The following UMAD1 variants were observed in gnomAD, a reference collection of about 807,000 sequenced individuals.
The protein encoded by UMAD1 is UBAP1-MVB12-associated (UMA)-domain containing protein 1.
In UMAD1, 8 loss-of-function variants were observed where a neutral mutation model predicts 6.1. The observed-to-expected ratio is 1.30, with a 90% CI of 0.76 to 2.35. UMAD1 has a LOEUF of 2.35. Among genes scored for constraint, UMAD1 ranks in the 30% most tolerant of loss-of-function variants. The pLI is 0.00. For synonymous variants in UMAD1, 56 were observed against 31.4 expected, an observed-to-expected ratio of 1.78 and a Z score of -2.61; for missense variants, 130 against 78.4, an observed-to-expected ratio of 1.66 and a Z score of -2.49.
Position 7,753,023 on chromosome 7 carries a change from A to C in UMAD1, c.83-48647A>C, listed in dbSNP as rs569483542. 7.9e-5 allele frequency among the ~76,000 whole-genome samples: 12 copies of C among 152,326 alleles called. No individual in the cohort carries two copies. In the South Asian group the frequency reaches 1.9e-3, roughly 24 times the overall value. On this transcript the variant is annotated intron_variant, in intron 2 of 3. Coordinates refer to ENST00000682710, the MANE Select transcript of UMAD1 (RefSeq NM_001302348.2). ...GTAGCATACATATTCCAGAAGGCAT[A>C]AAGTGAGAAGTAAAAGACCCCTCCT...
chr7:7,665,000 T>C (rs1779401056), intron 1 of UMAD1, among the ~76,000 whole-genome samples: 1 of 139,078 alleles, frequency 7.2e-6, no homozygotes, highest in Non-Finnish European at 1.6e-5. Flanking sequence ...GGGTGATATA[T>C]AGATATATAT....
chr7:7,770,239 C>T (rs761953855), intron 2 of UMAD1, among the ~76,000 whole-genome samples: 1 of 152,156 alleles, frequency 6.6e-6, no homozygotes, highest in African/African-American at 2.4e-5. Context: ...TCATCACATT[C>T]ATCCTTACCG....
chr7:7,763,746 A>C (rs1041755180), intron 2 of UMAD1, among the ~76,000 whole-genome samples: 2 of 152,176 alleles, frequency 1.3e-5, no homozygotes, highest in Non-Finnish European at 2.9e-5. Flanking sequence ...AAAATAGTAG[A>C]GTGATTTATG....
At chr7:7,764,008 A>C (rs535950940) in intron 2 of UMAD1, among the ~76,000 whole-genome samples, 1 of 152,360 alleles carries the variant, frequency 6.6e-6, no homozygotes, top group African/African-American at 2.4e-5. Context: ...ATATCACAGG[A>C]AATAGTGAGA....
chr7:7,877,682 T>C lies in UMAD1; in HGVS notation c.*144T>C. On this transcript the variant is annotated 3_prime_UTR_variant, in exon 4 of 4. Coordinates refer to ENST00000682710, the MANE Select transcript of UMAD1 (RefSeq NM_001302348.2). ...GAAAATAGCATTATGTTCACTACTC[T>C]ATTTTTAAGAAAAAGGTACATTTGT... 1 of 592,658 alleles carries C rather than the reference T, an allele frequency of 1.7e-6. No individual in the cohort carries two copies. Among genetic ancestry groups the C allele is most frequent in the Non-Finnish European group, 3.0e-6 (1 of 331,770 alleles). The allele number at this position is 592,658 out of a possible 1,614,324, so 36.7% of individuals were successfully genotyped here.
At chr7:7,813,998 T>A (rs1037430092) in intron 3 of UMAD1, among the ~76,000 whole-genome samples, 9 of 152,154 alleles carry the variant, frequency 5.9e-5, no homozygotes, top group Admixed American at 5.2e-4. Flanking sequence ...TTATTTTTTT[T>A]TTTTGAGACG....
intron 2 of UMAD1, among the ~76,000 whole-genome samples, chr7:7,765,163 TC>T (rs1781960793): frequency 6.6e-6 from 1 of 152,078 alleles, no homozygotes. Context: ...ATCTCACTGA[TC>T]AAAAATCTCA....
chr7:7,728,316 G>T (rs1209970099), intron 2 of UMAD1, among the ~76,000 whole-genome samples: 1 of 152,170 alleles, frequency 6.6e-6, no homozygotes, highest in Admixed American at 6.5e-5. Flanking sequence ...ATCTCTTTGA[G>T]TGTTCAGTTT....
intron 2 of UMAD1, among the ~76,000 whole-genome samples, chr7:7,753,089 T>G (rs1243448993): frequency 6.6e-6 from 1 of 152,102 alleles, no homozygotes; most frequent in Middle Eastern, 3.2e-3. Flanking sequence ...TACTTGACCT[T>G]CTTTATGTAT....
At chr7:7,704,235 T>C (rs760390426) in intron 2 of UMAD1, among the ~76,000 whole-genome samples, 1 of 152,204 alleles carries the variant, frequency 6.6e-6, no homozygotes, top group Non-Finnish European at 1.5e-5. Flanking sequence ...TTTTACTACC[T>C]TTCTTTTTGT....
chr7:7,749,477 T>A (rs532346760), intron 2 of UMAD1, among the ~76,000 whole-genome samples: 2 of 151,876 alleles, frequency 1.3e-5, no homozygotes, highest in Admixed American at 1.3e-4. Flanking sequence ...GGAATGGGAG[T>A]GGGTAAGCGT....
chr7:7,706,110 A>G (rs930177047), intron 2 of UMAD1, among the ~76,000 whole-genome samples: 2 of 152,208 alleles, frequency 1.3e-5, no homozygotes, highest in African/African-American at 4.8e-5. Flanking sequence ...TGGAGTCAGG[A>G]TGCTACAAAG....
intron 2 of UMAD1, among the ~76,000 whole-genome samples, chr7:7,774,996 T>C (rs1198458048): frequency 6.6e-6 from 1 of 152,220 alleles, no homozygotes; most frequent in African/African-American, 2.4e-5. Flanking sequence ...TGTCTTTCTC[T>C]TGTTCTTTTA....
intron 1 of UMAD1, among the ~76,000 whole-genome samples, chr7:7,650,857 C>T (rs576070561): frequency 1.3e-5 from 2 of 152,322 alleles, no homozygotes; most frequent in Admixed American, 6.5e-5. Context: ...AGGTTCTGGC[C>T]ATGGCTTACC....
At chr7:7,699,763 T>A (rs2115151637) in intron 2 of UMAD1, among the ~76,000 whole-genome samples, 1 of 152,350 alleles carries the variant, frequency 6.6e-6, no homozygotes, top group East Asian at 1.9e-4. Flanking sequence ...TTAGTGCTCA[T>A]ATAATGCCTT....
In UMAD1 at chr7:7,834,022, T is replaced by C. The variant is rs1036302139; in HGVS notation, c.156+32279T>C. 1.4e-3 allele frequency among the ~76,000 whole-genome samples: 183 copies of C among 132,564 alleles called. 3 individuals carry two copies. The highest frequency in any genetic ancestry group is 5.5e-3 in the South Asian group (22 of 4,022). 87.0% of individuals were successfully genotyped at this position (132,564 alleles called of 152,430 possible). ...ATTTCTTTCTTTTTCTTTTCTTTTT[T>C]TTTTTTTTTTTTTTTTTTGAGACGG... On this transcript the variant is annotated intron_variant, in intron 3 of 3. Coordinates refer to ENST00000682710, the MANE Select transcript of UMAD1 (RefSeq NM_001302348.2).
chr7:7,673,165 T>G lies in UMAD1; in HGVS notation c.-63-144T>G, dbSNP rs901213017. The G allele has an allele frequency of 2.4e-5, 16 of 675,388 alleles. No homozygotes were observed. The African/African-American group carries it at 2.9e-4, about 12-fold the overall frequency. 41.8% of individuals were successfully genotyped at this position (675,388 alleles called of 1,614,324 possible). The stretch of plus-strand genomic sequence containing the variant: ...TTTTCTAGCTTTGTCGGCTGACATC[T>G]AGAGAAGGCTCATGGTTTTACATGT... On this transcript the variant is annotated intron_variant, in intron 1 of 3. Coordinates refer to ENST00000682710, the MANE Select transcript of UMAD1 (RefSeq NM_001302348.2).
chr7:7,712,659 T>C (rs951643397), intron 2 of UMAD1, among the ~76,000 whole-genome samples: 5 of 152,212 alleles, frequency 3.3e-5, no homozygotes, highest in African/African-American at 1.2e-4. Flanking sequence ...ATCCTTGTGG[T>C]TTCATTTTAT....
intron 2 of UMAD1, among the ~76,000 whole-genome samples, chr7:7,761,876 C>G (rs1253238168): frequency 2.0e-5 from 3 of 152,176 alleles, no homozygotes; most frequent in African/African-American, 7.2e-5. Flanking sequence ...TCTTTCTATT[C>G]TGAACGTTGC....
Sources: allele counts gnomAD v4.1 joint callset (sites outside exome capture counted in the v4.1 genomes callset), GRCh38; gene constraint gnomAD v4.1.1; transcripts MANE v1.5; gene names NCBI Gene and HGNC (gene_info 2026-07-23, HGNC 2026-07-21).